KLHL28: variants seen among roughly 807,000 people sequenced by gnomAD.
KLHL28 encodes the protein kelch-like protein 28.
In KLHL28, 22 loss-of-function variants were observed where a neutral mutation model predicts 48.3. That is an observed-to-expected ratio of 0.46 (90% confidence interval 0.33 to 0.65). The LOEUF is 0.65. Ranked by LOEUF, KLHL28 falls within the 30% of genes least tolerant of loss-of-function variation. The pLI is 0.03. For synonymous variants in KLHL28, 243 were observed against 242.4 expected (o/e 1.00, Z -0.02); for missense variants, 527 against 704.3 (o/e 0.75, Z 2.85).
At position 44,928,866 on chromosome 14, in the gene KLHL28, A is replaced by T. The variant is rs1883470412; in HGVS notation, c.*162T>A. 1.8e-6 allele frequency: 1 copy of T among 554,860 alleles called. No homozygotes were observed. The highest frequency in any genetic ancestry group is 3.1e-5 in the Admixed American group (1 of 32,386). 34.4% of individuals were successfully genotyped at this position (554,860 alleles called of 1,614,324 possible). A position where few individuals can be genotyped will look rare whatever the true frequency, so the allele number is the denominator to read the frequency against. On this transcript the variant is annotated 3_prime_UTR_variant, in exon 5 of 5. Transcript: ENST00000396128. ...TACTGTGTAATCAAGAGCAACCAAA[A>T]CTACTTCTCAATTAAAAGTACCCAA...
In KLHL28 at chr14:44,928,121, A is replaced by G. The variant is rs1479516745; in HGVS notation, c.*907T>C. On this transcript the variant is annotated 3_prime_UTR_variant, in exon 5 of 5. Coordinates refer to ENST00000396128, the MANE Select transcript of KLHL28 (RefSeq NM_017658.5). ...AGTTAGCACCATTTTATATCTGAAC[A>G]CTTTGAAAAAGCAAAGATCTTAAAA... 6.6e-6 allele frequency: 1 copy of G among 152,606 alleles called. No individual in the cohort carries two copies. The highest frequency in any genetic ancestry group is 1.5e-5 in the Non-Finnish European group (1 of 68,012). 9.5% of individuals were successfully genotyped at this position (152,606 alleles called of 1,614,324 possible).
chr14:44,961,310 G>A (rs943416098), intron 1 of KLHL28, among the ~76,000 whole-genome samples: 1 of 152,092 alleles, frequency 6.6e-6, no homozygotes, highest in Non-Finnish European at 1.5e-5. Flanking sequence ...CGGAGGGGGC[G>A]GAGGTTAGGG....
At chr14:44,935,106 A>G (rs1475881376) in intron 2 of KLHL28, among the ~76,000 whole-genome samples, 1 of 152,236 alleles carries the variant, frequency 6.6e-6, no homozygotes, top group Non-Finnish European at 1.5e-5. Flanking sequence ...AAATGGATAA[A>G]TTGTGCCATA....
chr14:44,940,782 A>G (rs1884038752), intron 2 of KLHL28, among the ~76,000 whole-genome samples: 1 of 152,190 alleles, frequency 6.6e-6, no homozygotes, highest in South Asian at 2.1e-4. Flanking sequence ...TGCTTCATCA[A>G]TAAGCATTCA....
At chr14:44,939,298 T>C (rs1324498300) in intron 2 of KLHL28, among the ~76,000 whole-genome samples, 1 of 152,104 alleles carries the variant, frequency 6.6e-6, no homozygotes, top group Non-Finnish European at 1.5e-5. Context: ...GCCTCAAAGA[T>C]CTTAAAATGC....
chr14:44,945,205 G>T lies in KLHL28; in HGVS notation c.724C>A (p.His242Asn), dbSNP rs747064974. ...KFLTRLYEAN[H>N]LIRDDRTCKH... ...CAAGTGCGATCATCACGAATAAGATGATTTGCTTCATATAGTCTAGTGAGA... is the reference window on the plus strand; with the variant it reads ...CAAGTGCGATCATCACGAATAAGATTATTTGCTTCATATAGTCTAGTGAGA... The change falls in exon 2 of 5, where the codon CAT (histidine) becomes AAT (asparagine). Residue 242 changes from histidine to asparagine, a missense_variant. His to Asn is a moderately conservative substitution (Grantham distance 68, BLOSUM62 1). Transcript: ENST00000396128. 1 of 1,614,112 alleles carries T rather than the reference G, an allele frequency of 6.2e-7. No individual in the cohort carries two copies. Among genetic ancestry groups the T allele is most frequent in the Non-Finnish European group, 8.5e-7 (1 of 1,180,006 alleles).
At chr14:44,929,793 C>T (rs1368114940) in intron 4 of KLHL28, among the ~76,000 whole-genome samples, 5 of 152,070 alleles carry the variant, frequency 3.3e-5, no homozygotes, top group East Asian at 1.9e-4. Flanking sequence ...CTGCCTGGCT[C>T]GACAGCCTAG....
At chr14:44,957,685 G>A (rs984974111) in intron 1 of KLHL28, among the ~76,000 whole-genome samples, 1 of 152,028 alleles carries the variant, frequency 6.6e-6, no homozygotes, top group Non-Finnish European at 1.5e-5. Flanking sequence ...CAATATAATA[G>A]GCACTGTTAT....
In KLHL28 at chr14:44,929,034, T is replaced by G; in HGVS notation, c.1710A>C (p.Ala570=). 5 of 1,613,744 alleles carry G rather than the reference T, an allele frequency of 3.1e-6. No individual in the cohort carries two copies. The highest frequency in any genetic ancestry group is 1.1e-5 in the South Asian group (1 of 91,060). Residue 570 remains alanine (A), a synonymous_variant, in exon 5 of 5, where the codon GCA becomes GCC. Transcript: ENST00000396128. ...TTCCGAGAGTTCACATTTGTCAAAG[T>G]GCAGTTAACCCAAAGTTGCAGCGAC... ...IYCRCNFGLT[A]L is the part of the protein sequence containing the mutation.
Position 44,945,235 on chromosome 14 carries a change from T to C in KLHL28, c.694A>G (p.Lys232Glu). The C allele has an allele frequency of 6.2e-7, 1 of 1,614,128 alleles. No homozygotes were observed. Among genetic ancestry groups the C allele is most frequent in the Non-Finnish European group, 8.5e-7 (1 of 1,179,990 alleles). ...GCTTCATATAGTCTAGTGAGAAACT[T>C]AACACTCAACAATGGTAATCGTACA... ...NSVRLPLLSV[K>E]FLTRLYEANH... Residue 232 changes from lysine to glutamate, a missense_variant, in exon 2 of 5, where the codon AAG becomes GAG. Lys to Glu is a moderately conservative substitution (Grantham distance 56). Transcript: ENST00000396128.
At chr14:44,953,120 T>G (rs1884656925) in intron 1 of KLHL28, among the ~76,000 whole-genome samples, 1 of 152,068 alleles carries the variant, frequency 6.6e-6, no homozygotes, top group Non-Finnish European at 1.5e-5. Flanking sequence ...AATAGATCAA[T>G]GGAGAACAGA....
chr14:44,952,053 G>T (rs1267462893), intron 1 of KLHL28, among the ~76,000 whole-genome samples: 1 of 151,998 alleles, frequency 6.6e-6, no homozygotes, highest in East Asian at 1.9e-4. Context: ...TAGAGAAGGA[G>T]TTTCACCATG....
intron 1 of KLHL28, chr14:44,961,229 ATC>A (rs1198570181): frequency 1.2e-5 from 3 of 252,806 alleles, no homozygotes; most frequent in South Asian, 6.8e-5. Flanking sequence ...TGTCTTCGCA[ATC>A]TCTGTCTCTA....
intron 1 of KLHL28, chr14:44,959,223 C>T (rs1204733555): frequency 2.6e-5 from 4 of 152,052 alleles, no homozygotes; most frequent in South Asian, 2.1e-4. Flanking sequence ...TTACTTTCTT[C>T]CTCTGTCCAA....
intron 2 of KLHL28, 62 bp from the exon 3 acceptor site, chr14:44,934,620 T>A (rs1390263117): frequency 4.9e-5 from 61 of 1,248,558 alleles, no homozygotes; most frequent in Non-Finnish European, 6.6e-5. Flanking sequence ...AAGACAGATA[T>A]GTTTAATCTT....
At chr14:44,948,905 T>C (rs904691134) in intron 1 of KLHL28, among the ~76,000 whole-genome samples, 2 of 152,136 alleles carry the variant, frequency 1.3e-5, no homozygotes, top group African/African-American at 2.4e-5. Context: ...AATTCAATTA[T>C]ACGTGTTGCT....
In KLHL28 at chr14:44,924,825, T is replaced by A. The variant is rs927792690; in HGVS notation, c.*4203A>T. The A allele has an allele frequency of 6.6e-6, 1 of 152,632 alleles. No homozygotes were observed. Among genetic ancestry groups the A allele is most frequent in the Non-Finnish European group, 1.5e-5 (1 of 68,006 alleles). The allele number at this position is 152,632 out of a possible 1,614,324, so 9.5% of individuals were successfully genotyped here. A position where few individuals can be genotyped will look rare whatever the true frequency, so the allele number is the denominator to read the frequency against. Reference sequence around the variant, plus strand: ...AACAATAAGTTATCTCTAGTAAAGATGTATAATATAAAAGACATATGGATA... The same window carrying A: ...AACAATAAGTTATCTCTAGTAAAGAAGTATAATATAAAAGACATATGGATA... On this transcript the variant is annotated 3_prime_UTR_variant, in exon 5 of 5. Transcript: ENST00000396128.
chr14:44,946,182 A>G (rs553527235), intron 1 of KLHL28, among the ~76,000 whole-genome samples: 34 of 152,332 alleles, frequency 2.2e-4, no homozygotes, highest in African/African-American at 7.2e-4. Context: ...CCCAAACCAA[A>G]AAAATCTCTG....
At chr14:44,943,075 A>G (rs974585308) in intron 2 of KLHL28, among the ~76,000 whole-genome samples, 1 of 152,184 alleles carries the variant, frequency 6.6e-6, no homozygotes, top group Non-Finnish European at 1.5e-5. Flanking sequence ...ATTATGATAG[A>G]TTCTATGATA....
Sources: gnomAD v4.1 joint callset for allele counts (sites outside exome capture counted in the v4.1 genomes callset) on GRCh38, gnomAD v4.1.1 for gene constraint, MANE v1.5 for transcripts, NCBI Gene and HGNC (gene_info 2026-07-23, HGNC 2026-07-21) for gene names.